RALGPS2: variants seen among roughly 807,000 people sequenced by gnomAD.
RALGPS2 encodes the protein Ral GEF with PH domain and SH3 binding motif 2.
A neutral mutation model predicts 86.8 loss-of-function variants in RALGPS2; 43 were observed. The ratio of observed to expected loss-of-function variants is 0.50; its 90% CI spans 0.39 to 0.64. The LOEUF (loss-of-function observed/expected upper bound fraction) is 0.64, where lower values mean the gene tolerates loss of function less well. Among genes scored for constraint, RALGPS2 ranks in the 30% least tolerant of loss-of-function variants. RALGPS2 has a pLI of 0.00. For missense variants in RALGPS2, 536 were observed against 694.6 expected (o/e 0.77, Z 2.57); for synonymous variants, 243 against 231.3 (o/e 1.05, Z -0.46).
chr1:178,743,417 T>C (rs1174755412), intron 1 of RALGPS2, among the ~76,000 whole-genome samples: 1 of 152,178 alleles, frequency 6.6e-6, no homozygotes, highest in Non-Finnish European at 1.5e-5. Flanking sequence ...ATTTTTAACT[T>C]TCTACTCATT....
chr1:178,920,159 T>A lies in RALGPS2; in HGVS notation c.*3800T>A, dbSNP rs1647237788. 1 of 152,026 alleles carries A rather than the reference T, an allele frequency of 6.6e-6. No homozygotes were observed. 9.4% of individuals were successfully genotyped at this position (152,026 alleles called of 1,614,324 possible). ...TACAAATATTGCTATTTAATCACAT[T>A]GATGATGAATTACTTTCCATGTGAA... On this transcript the variant is annotated 3_prime_UTR_variant, in exon 20 of 20. Transcript: ENST00000367635.
chr1:178,837,882 T>A (rs1026979082), intron 8 of RALGPS2, among the ~76,000 whole-genome samples: 4 of 152,150 alleles, frequency 2.6e-5, no homozygotes, highest in African/African-American at 7.2e-5. Context: ...GGAGATTAGA[T>A]CCCGTGCCTG....
intron 2 of RALGPS2, among the ~76,000 whole-genome samples, 157 bp downstream of exon 2, chr1:178,776,978 T>A (rs1474092450): frequency 6.6e-6 from 1 of 151,970 alleles, no homozygotes; most frequent in Non-Finnish European, 1.5e-5. Flanking sequence ...TACTTTAAGT[T>A]TTAGGGTACA....
rs112385939 is a variant in RALGPS2, at chr1:178,874,224, T to C, written c.608-3274T>C. On this transcript the variant is annotated intron_variant, in intron 8 of 19. Transcript: ENST00000367635. ...AACATACAGATAGATGCAACAGTAT[T>C]GATGATGTCGTAGTTCTTTTTTAAA... Among the ~76,000 whole-genome samples the C allele has an allele frequency of 1.3e-3, 192 of 152,304 alleles. 2 individuals are homozygous for C. The highest frequency in any genetic ancestry group is 4.2e-3 in the African/African-American group (176 of 41,562).
intron 8 of RALGPS2, among the ~76,000 whole-genome samples, chr1:178,856,234 T>TATATATATATACAC (rs1368301659): frequency 3.1e-5 from 4 of 128,784 alleles, no homozygotes; most frequent in African/African-American, 9.4e-5. Context: ...TATATATATA[T>TATATATATATACAC]GGTTTTGGGT....
chr1:178,760,485 A>G (rs4652323), intron 1 of RALGPS2, among the ~76,000 whole-genome samples: 37,710 of 152,100 alleles, frequency 0.25, 5,233 homozygotes, highest in Non-Finnish European at 0.32. Context: ...TTTCTGTGAT[A>G]TAAGAATAGC....
At chr1:178,746,248 C>A (rs1228962263) in intron 1 of RALGPS2, among the ~76,000 whole-genome samples, 1 of 152,104 alleles carries the variant, frequency 6.6e-6, no homozygotes, top group African/African-American at 2.4e-5. Flanking sequence ...ACCAACAATC[C>A]AACTTTTTGA....
At chr1:178,798,560 A>G (rs1654314946) in intron 4 of RALGPS2, among the ~76,000 whole-genome samples, 1 of 152,188 alleles carries the variant, frequency 6.6e-6, no homozygotes, top group Non-Finnish European at 1.5e-5. Context: ...GAAATGTACC[A>G]CAGATTAAGG....
At chr1:178,745,822 C>CTTTTTTT (rs34277622) in intron 1 of RALGPS2, among the ~76,000 whole-genome samples, 3 of 86,116 alleles carry the variant, frequency 3.5e-5, no homozygotes, top group African/African-American at 8.1e-5. Flanking sequence ...TTCAATTCTT[C>CTTTTTTT]TTTTTTTTTT....
intron 8 of RALGPS2, among the ~76,000 whole-genome samples, chr1:178,859,937 T>C (rs966909840): frequency 6.6e-6 from 1 of 151,524 alleles, no homozygotes; most frequent in Non-Finnish European, 1.5e-5. Context: ...CAGGATGGTC[T>C]CGATCTCCTG....
At chr1:178,857,899 A>G (rs1377037509) in intron 8 of RALGPS2, among the ~76,000 whole-genome samples, 4 of 152,140 alleles carry the variant, frequency 2.6e-5, no homozygotes, top group Non-Finnish European at 1.5e-5. Flanking sequence ...TTGCTATTTA[A>G]TAGACACTCA....
At chr1:178,769,555 C>T (rs771671873) in intron 1 of RALGPS2, among the ~76,000 whole-genome samples, 22 of 151,828 alleles carry the variant, frequency 1.4e-4, no homozygotes, top group African/African-American at 5.3e-4. Context: ...CTGGTCCAGG[C>T]AAGTGGGTGC....
intron 1 of RALGPS2, among the ~76,000 whole-genome samples, chr1:178,737,301 C>T (rs548745583): frequency 1.3e-5 from 2 of 152,238 alleles, no homozygotes; most frequent in East Asian, 1.9e-4. Context: ...GCTGAAGTGC[C>T]GGTGGCATGA....
At chr1:178,901,653 A>C (rs1428538110) in intron 17 of RALGPS2, among the ~76,000 whole-genome samples, 1 of 151,530 alleles carries the variant, frequency 6.6e-6, no homozygotes, top group Non-Finnish European at 1.5e-5. Flanking sequence ...ACACCACTGC[A>C]CCACAGCCTG....
chr1:178,727,711 G>T (rs1650107966), intron 1 of RALGPS2, among the ~76,000 whole-genome samples: 1 of 152,130 alleles, frequency 6.6e-6, no homozygotes, highest in Non-Finnish European at 1.5e-5. Context: ...AAATTGTCCT[G>T]TTGCAACTTA....
In RALGPS2 at chr1:178,891,763, T is replaced by G. The variant is rs564735931; in HGVS notation, c.1248-467T>G. Among the ~76,000 whole-genome samples, 14 of 152,164 alleles carry G rather than the reference T, an allele frequency of 9.2e-5. No individual in the cohort carries two copies. The South Asian group carries it at 2.7e-3, about 29-fold the overall frequency. On this transcript the variant is annotated intron_variant, in intron 14 of 19. Transcript: ENST00000367635. ...ATAAAGGATAAAGAGGAAAATAAAG[T>G]TTTCCTCATGAGTTTACAAGCCACA...
At chr1:178,904,010 T>C (rs1660288372) in intron 18 of RALGPS2, among the ~76,000 whole-genome samples, 1 of 152,122 alleles carries the variant, frequency 6.6e-6, no homozygotes, top group Non-Finnish European at 1.5e-5. Flanking sequence ...CATGCCAACA[T>C]CTACTGTTTT....
chr1:178,900,739 G>A (rs1455444492), intron 17 of RALGPS2, among the ~76,000 whole-genome samples: 1 of 151,956 alleles, frequency 6.6e-6, no homozygotes, highest in Non-Finnish European at 1.5e-5. Flanking sequence ...CAGCAGCAAT[G>A]ACACAAACCT....
intron 8 of RALGPS2, among the ~76,000 whole-genome samples, chr1:178,840,179 C>T (rs1394954354): frequency 6.6e-6 from 1 of 152,212 alleles, no homozygotes; most frequent in Non-Finnish European, 1.5e-5. Flanking sequence ...ACTCTCCACC[C>T]CAAATCAACA....
Sources: allele counts gnomAD v4.1 joint callset (sites outside exome capture counted in the v4.1 genomes callset), GRCh38; gene constraint gnomAD v4.1.1; transcripts MANE v1.5; gene names NCBI Gene and HGNC (gene_info 2026-07-23, HGNC 2026-07-21).